The following HIBADH variants were observed in gnomAD, a reference collection of about 807,000 sequenced individuals.
The protein encoded by HIBADH is 3-hydroxyisobutyrate dehydrogenase, mitochondrial.
HIBADH carries 25 observed loss-of-function variants against 36.1 expected under a neutral mutation model. That is an observed-to-expected ratio of 0.69 (90% CI 0.50 to 0.97). The LOEUF is 0.97. Among genes scored for constraint, HIBADH ranks in the 50% least tolerant of loss-of-function variants. HIBADH has a pLI of 0.00. For missense variants in HIBADH, 421 were observed against 418.0 expected, an observed-to-expected ratio of 1.01 and a Z score of -0.06; for synonymous variants, 160 against 149.5, an observed-to-expected ratio of 1.07 and a Z score of -0.51.
chr7:27,564,287 C>T (rs1407788434), intron 4 of HIBADH, among the ~76,000 whole-genome samples: 1 of 152,120 alleles, frequency 6.6e-6, no homozygotes, highest in Non-Finnish European at 1.5e-5. Flanking sequence ...AACCCAAGGC[C>T]AGAAGGATTT....
At chr7:27,584,830 T>A (rs936218839) in intron 4 of HIBADH, among the ~76,000 whole-genome samples, 7 of 152,090 alleles carry the variant, frequency 4.6e-5, no homozygotes, top group African/African-American at 1.7e-4. Flanking sequence ...ACCACTGTCT[T>A]GACTCTTGCT....
chr7:27,552,292 C>T (rs1170557349), intron 4 of HIBADH, among the ~76,000 whole-genome samples: 1 of 152,134 alleles, frequency 6.6e-6, no homozygotes, highest in African/African-American at 2.4e-5. Context: ...TCTGGTTTAA[C>T]ATAAGCCAGC....
rs201349734 is a variant in HIBADH, at chr7:27,551,985, C to T, written c.485-8885G>A. On this transcript the variant is annotated intron_variant, in intron 4 of 7. Coordinates refer to ENST00000265395, the MANE Select transcript of HIBADH (RefSeq NM_152740.4). ...GACCATTTACGACTTGCTATGGTGTCTCTATTGTTTACCAGCGACATTCGC... is the reference window on the plus strand; with the variant it reads ...GACCATTTACGACTTGCTATGGTGTTTCTATTGTTTACCAGCGACATTCGC... 2.0e-5 allele frequency among the ~76,000 whole-genome samples: 3 copies of T among 152,290 alleles called. No homozygotes were observed. The East Asian group carries it at 5.8e-4, about 29-fold the overall frequency.
At chr7:27,635,263 G>A (rs1785819418) in intron 2 of HIBADH, among the ~76,000 whole-genome samples, 1 of 152,098 alleles carries the variant, frequency 6.6e-6, no homozygotes, top group South Asian at 2.1e-4. Flanking sequence ...TCAAAAGCTG[G>A]GAGGAAAAAC....
intron 4 of HIBADH, among the ~76,000 whole-genome samples, chr7:27,600,277 C>CT (rs11344706): frequency 7.3e-5 from 11 of 150,034 alleles, no homozygotes; most frequent in South Asian, 2.1e-4. Context: ...AAGAATTGTT[C>CT]TTTTTTTTTT....
At chr7:27,585,252 TAC>T (rs1023610422) in intron 4 of HIBADH, among the ~76,000 whole-genome samples, 5 of 120,480 alleles carry the variant, frequency 4.2e-5, no homozygotes, top group East Asian at 7.6e-4. Context: ...TGTGCATATA[TAC>T]ACACGTGTGT....
chr7:27,660,672 A>G (rs1342273004), intron 1 of HIBADH, among the ~76,000 whole-genome samples: 2 of 152,052 alleles, frequency 1.3e-5, no homozygotes, highest in African/African-American at 2.4e-5. Context: ...GGGAAAAAAA[A>G]AAATTTTTTT....
chr7:27,538,325 G>C lies in HIBADH; in HGVS notation c.695+16C>G. 6 of 1,586,434 alleles carry C rather than the reference G, an allele frequency of 3.8e-6. No homozygotes were observed. Among genetic ancestry groups the C allele is most frequent in the Non-Finnish European group, 5.2e-6 (6 of 1,156,544 alleles). On this transcript the variant is annotated intron_variant, in intron 6 of 7. Coordinates refer to ENST00000265395, the MANE Select transcript of HIBADH (RefSeq NM_152740.4). ...CCTATAAAAATGTTAGTATAAAAAC[G>C]TACTATTCAACAAACCTGATTCCAA...
At chr7:27,602,214 A>T (rs185258054) in intron 4 of HIBADH, among the ~76,000 whole-genome samples, 9 of 152,038 alleles carry the variant, frequency 5.9e-5, no homozygotes, top group Non-Finnish European at 1.3e-4. Flanking sequence ...TGGGGATGCT[A>T]TAAGGATGAA....
At chr7:27,652,186 T>C (rs1786207565) in intron 1 of HIBADH, among the ~76,000 whole-genome samples, 1 of 152,210 alleles carries the variant, frequency 6.6e-6, no homozygotes. Context: ...CTTTACTAAG[T>C]TGTAATGCCA....
intron 4 of HIBADH, among the ~76,000 whole-genome samples, chr7:27,587,183 A>G (rs1784878289): frequency 6.6e-6 from 1 of 152,152 alleles, no homozygotes; most frequent in Non-Finnish European, 1.5e-5. Flanking sequence ...TACCTCATTT[A>G]TTCTTGCTTT....
At chr7:27,584,409 G>T (rs1157251758) in intron 4 of HIBADH, among the ~76,000 whole-genome samples, 2 of 151,974 alleles carry the variant, frequency 1.3e-5, no homozygotes, top group African/African-American at 4.8e-5. Context: ...AGTCTTTAAG[G>T]ATTAGAAAGT....
At chr7:27,622,274 T>C (rs1414821591) in intron 4 of HIBADH, among the ~76,000 whole-genome samples, 2 of 151,700 alleles carry the variant, frequency 1.3e-5, no homozygotes, top group African/African-American at 4.8e-5. Flanking sequence ...TAAGAAAACA[T>C]GGAAATTAAA....
Position 27,531,354 on chromosome 7 carries a change from A to G in HIBADH, c.696-6T>C, listed in dbSNP as rs1360426518. 1.9e-6 allele frequency: 3 copies of G among 1,600,814 alleles called. No individual in the cohort carries two copies. In the South Asian group the frequency reaches 3.4e-5, roughly 18 times the overall value. The stretch of plus-strand genomic sequence containing the variant: ...GTTTTGGGTCAAGCCCTAACCTGTC[A>G]AAGGTCAAAGAAAAGAAGTGTTAAG... On this transcript the variant is annotated splice_region_variant and splice_polypyrimidine_tract_variant and intron_variant, in intron 6 of 7. Coordinates refer to ENST00000265395, the MANE Select transcript of HIBADH (RefSeq NM_152740.4).
Position 27,644,018 on chromosome 7 carries a change from G to A in HIBADH, c.252+5455C>T, listed in dbSNP as rs143349251. Among the ~76,000 whole-genome samples, 10 of 152,250 alleles carry A rather than the reference G, an allele frequency of 6.6e-5. No individual in the cohort carries two copies. In the East Asian group the frequency reaches 1.9e-3, roughly 29 times the overall value. On this transcript the variant is annotated intron_variant, in intron 2 of 7. Coordinates refer to ENST00000265395, the MANE Select transcript of HIBADH (RefSeq NM_152740.4). Reference sequence around the variant, plus strand: ...TGTTTCCAAAAAGCTCACATTCACAGGTACTAGGAGTTAGAACTTGAATAT... The same window carrying A: ...TGTTTCCAAAAAGCTCACATTCACAAGTACTAGGAGTTAGAACTTGAATAT...
At chr7:27,534,867 T>G (rs1251842679) in intron 6 of HIBADH, among the ~76,000 whole-genome samples, 1 of 151,654 alleles carries the variant, frequency 6.6e-6, no homozygotes, top group Non-Finnish European at 1.5e-5. Flanking sequence ...AAGTTTTATA[T>G]GGATTAACTC....
chr7:27,530,870 T>A (rs1338523445), intron 7 of HIBADH, among the ~76,000 whole-genome samples: 2 of 152,104 alleles, frequency 1.3e-5, no homozygotes, highest in African/African-American at 2.4e-5. Context: ...AAGAAGTTGG[T>A]AAATTAACAT....
chr7:27,538,461 G>A (rs898241898), intron 5 of HIBADH, 44 bp from the exon 6 acceptor site: 5 of 1,545,870 alleles, frequency 3.2e-6, no homozygotes, highest in Non-Finnish European at 4.5e-6. Context: ...TATTTTCAAG[G>A]TAAAACTCAC....
In HIBADH at chr7:27,610,189, T is replaced by A. The variant is rs539104156; in HGVS notation, c.484+19182A>T. On this transcript the variant is annotated intron_variant, in intron 4 of 7. Coordinates refer to ENST00000265395, the MANE Select transcript of HIBADH (RefSeq NM_152740.4). ...CAGGAACCCATGGAGATGAATTATT[T>A]TACCAAAATATTTCAAATCATTTTT... Among the ~76,000 whole-genome samples, 99 of 152,282 alleles carry A rather than the reference T, an allele frequency of 6.5e-4. 2 individuals are homozygous for A. Among genetic ancestry groups the A allele is most frequent in the South Asian group, 5.4e-3 (26 of 4,830 alleles).
Sources: gnomAD v4.1 joint callset for allele counts (sites outside exome capture counted in the v4.1 genomes callset) on GRCh38, gnomAD v4.1.1 for gene constraint, MANE v1.5 for transcripts, NCBI Gene and HGNC (gene_info 2026-07-23, HGNC 2026-07-21) for gene names.